The following BAZ2B variants were observed in gnomAD, a reference collection of about 807,000 sequenced individuals.
The protein encoded by BAZ2B is bromodomain adjacent to zinc finger domain 2B.
Under a neutral mutation model 246.0 loss-of-function variants are expected in BAZ2B, and 91 were observed. The observed-to-expected ratio is 0.37, with a 90% CI of 0.31 to 0.44. The LOEUF is 0.44. Among genes scored for constraint, BAZ2B ranks in the 20% least tolerant of loss-of-function variants. The pLI, the probability that BAZ2B is intolerant of heterozygous loss-of-function variation, is 1.00. For synonymous variants in BAZ2B, 855 were observed against 860.0 expected (o/e 0.99, Z 0.10); for missense variants, 2,332 against 2,533.7 (o/e 0.92, Z 1.71).
At chr2:159,526,497 A>G (rs2084750665) in intron 2 of BAZ2B, among the ~76,000 whole-genome samples, 1 of 152,216 alleles carries the variant, frequency 6.6e-6, no homozygotes, top group South Asian at 2.1e-4. Context: ...TGTTTTTATA[A>G]TGAAATACTA....
intron 26 of BAZ2B, among the ~76,000 whole-genome samples, chr2:159,373,700 C>A (rs2061096846): frequency 6.6e-6 from 1 of 152,076 alleles, no homozygotes; most frequent in Non-Finnish European, 1.5e-5. Flanking sequence ...GGCACGGTGG[C>A]ACATGCCTGT....
Position 159,587,401 on chromosome 2 carries a change from T to TA in BAZ2B, c.-46+28840dup, listed in dbSNP as rs376803087. Among the ~76,000 whole-genome samples, 41 of 152,306 alleles carry TA rather than the reference T, an allele frequency of 2.7e-4. 1 individual carries two copies. In the Middle Eastern group the frequency reaches 0.014, roughly 51 times the overall value. On this transcript the variant is annotated intron_variant, in intron 1 of 36. Transcript: ENST00000392783. Reference sequence around the variant, plus strand: ...GACGCAACTTTCTTAATTGCCTATCTAAACCTCACCTTCCAATGTTATTTG... The same window carrying TA: ...GACGCAACTTTCTTAATTGCCTATCTAAAACCTCACCTTCCAATGTTATTTG...
At chr2:159,529,796 T>C (rs2085181679) in intron 2 of BAZ2B, among the ~76,000 whole-genome samples, 1 of 152,206 alleles carries the variant, frequency 6.6e-6, no homozygotes, top group Non-Finnish European at 1.5e-5. Context: ...TTAATAGTTG[T>C]TGAAGAATTT....
At chr2:159,639,033 C>T in the BAZ2B span, among the ~76,000 whole-genome samples, 1 of 152,086 alleles carries the variant, frequency 6.6e-6, no homozygotes, top group Non-Finnish European at 1.5e-5. Context: ...CAACGGAGCT[C>T]CAATATGTCT....
chr2:159,621,396 C>T (rs557797103), upstream of BAZ2B, among the ~76,000 whole-genome samples: 23 of 152,058 alleles, frequency 1.5e-4, no homozygotes, highest in South Asian at 2.1e-4. Context: ...ATTAAGAACA[C>T]GGCTGTAAGC....
At chr2:159,595,235 T>G (rs988614515) in intron 1 of BAZ2B, among the ~76,000 whole-genome samples, 3 of 152,144 alleles carry the variant, frequency 2.0e-5, no homozygotes, top group African/African-American at 7.2e-5. Context: ...CCTGAGTAGC[T>G]GGGATCACAG....
chr2:159,530,918 C>A (rs966594436), intron 2 of BAZ2B, among the ~76,000 whole-genome samples: 20 of 152,062 alleles, frequency 1.3e-4, no homozygotes, highest in Admixed American at 4.6e-4. Context: ...TGCAGTGAGC[C>A]AAGAATGCGC....
intron 4 of BAZ2B, among the ~76,000 whole-genome samples, chr2:159,450,741 C>CCT (rs1559469170): frequency 2.8e-5 from 4 of 143,454 alleles, no homozygotes; most frequent in Admixed American, 7.0e-5. Flanking sequence ...ACATTTAACT[C>CCT]TTTTTTTTTT....
the BAZ2B span, among the ~76,000 whole-genome samples, chr2:159,649,339 C>T: frequency 6.6e-6 from 1 of 151,986 alleles, no homozygotes; most frequent in Non-Finnish European, 1.5e-5. Context: ...ATTAGATTCT[C>T]ATAAGAAGTG....
chr2:159,439,726 A>G (rs553741425), intron 6 of BAZ2B, among the ~76,000 whole-genome samples: 2 of 152,332 alleles, frequency 1.3e-5, no homozygotes, highest in African/African-American at 4.8e-5. Context: ...TGCTTAATAT[A>G]AAAGCAAATT....
the BAZ2B span, among the ~76,000 whole-genome samples, chr2:159,652,783 A>G: frequency 6.6e-6 from 1 of 150,988 alleles, no homozygotes; most frequent in East Asian, 2.0e-4. Context: ...ATGCCTGGCT[A>G]ATTTTTTTGG....
chr2:159,586,896 T>C (rs1023596619), intron 1 of BAZ2B, among the ~76,000 whole-genome samples: 1 of 152,142 alleles, frequency 6.6e-6, no homozygotes, highest in Non-Finnish European at 1.5e-5. Context: ...ATCTTACAAG[T>C]CTGAAGAGTT....
chr2:159,663,645 G>A, the BAZ2B span, among the ~76,000 whole-genome samples: 1 of 151,274 alleles, frequency 6.6e-6, no homozygotes, highest in Non-Finnish European at 1.5e-5. Flanking sequence ...TCAGCCTCCC[G>A]AGCAGCTGGT....
At chr2:159,479,702 A>G (rs907941772) in intron 2 of BAZ2B, among the ~76,000 whole-genome samples, 5 of 152,176 alleles carry the variant, frequency 3.3e-5, no homozygotes, top group Non-Finnish European at 7.4e-5. Flanking sequence ...AATTAAAATA[A>G]TGCAAGGCTA....
At chr2:159,420,160 T>A (rs1401814474) in intron 13 of BAZ2B, among the ~76,000 whole-genome samples, 3 of 152,218 alleles carry the variant, frequency 2.0e-5, no homozygotes, top group Non-Finnish European at 2.9e-5. Context: ...TTAGTTTTTC[T>A]TCAAATTCAG....
rs377451858 is a variant in BAZ2B at position 159,347,638 on chromosome 2, T to C, written c.5302A>G (p.Ile1768Val). The C allele has an allele frequency of 1.5e-5, 24 of 1,601,756 alleles. No individual in the cohort carries two copies. Among genetic ancestry groups the C allele is most frequent in the Non-Finnish European group, 2.0e-5 (23 of 1,172,312 alleles). Residue 1768 changes from isoleucine to valine, a missense_variant, in exon 31 of 37, where the codon ATT (isoleucine) becomes GTT (valine). Physicochemically the swap from Ile to Val is conservative, Grantham distance 29 (BLOSUM62 3). Around this residue, in one of 9 missense-constraint regions of BAZ2B, gnomAD observed 676 missense variants for 668.6 expected, o/e 1.01. Transcript: ENST00000392783. ...ACLKNKDVAI[I>V]ELNENEENQV... is the part of the protein sequence containing the mutation. ...TTTTCTTCATTTTCATTCAGTTCAA[T>C]AATAGCAACTACATTTAAAAAGAAA... is the stretch of plus-strand genomic sequence containing the variant.
At chr2:159,492,850 T>C (rs2080652550) in intron 2 of BAZ2B, among the ~76,000 whole-genome samples, 1 of 152,224 alleles carries the variant, frequency 6.6e-6, no homozygotes, top group Admixed American at 6.5e-5. Flanking sequence ...AGAATTATAG[T>C]ATTTTTGTTG....
intron 32 of BAZ2B, among the ~76,000 whole-genome samples, chr2:159,337,310 CA>C (rs1055459253): frequency 2.0e-5 from 3 of 150,988 alleles, no homozygotes; most frequent in African/African-American, 2.4e-5. Flanking sequence ...ACGCACATAA[CA>C]AAAAAAAAGT....
At chr2:159,555,213 T>C (rs1471315722) in intron 2 of BAZ2B, among the ~76,000 whole-genome samples, 1 of 151,248 alleles carries the variant, frequency 6.6e-6, no homozygotes, top group Non-Finnish European at 1.5e-5. Flanking sequence ...TGCTTCAGCC[T>C]CCCGAGTAGC....
Sources: allele counts gnomAD v4.1 joint callset (sites outside exome capture counted in the v4.1 genomes callset), GRCh38; gene constraint gnomAD v4.1.1; regional missense constraint gnomAD v4.1.1; transcripts MANE v1.5; gene names NCBI Gene and HGNC (gene_info 2026-07-23, HGNC 2026-07-21).